BTBD6: variants seen among roughly 807,000 people sequenced by gnomAD.
BTBD6 encodes BTB/POZ domain-containing protein 6.
A neutral mutation model predicts 40.6 loss-of-function variants in BTBD6; 30 were observed. The observed-to-expected ratio is 0.74, with a 90% confidence interval of 0.55 to 1.00. BTBD6 has a LOEUF of 1.00. Ranked by LOEUF, BTBD6 falls within the 50% of genes least tolerant of loss-of-function variation. The pLI is 0.00. For synonymous variants in BTBD6, 378 were observed against 308.7 expected (o/e 1.22, Z -2.35); for missense variants, 698 against 694.6 (o/e 1.00, Z -0.06).
chr14:105,249,114 CCG>C (rs926656993), intron 1 of BTBD6, 29 bp downstream of exon 1: 2 of 1,504,148 alleles, frequency 1.3e-6, no homozygotes, highest in Non-Finnish European at 8.8e-7. Flanking sequence ...GCCCCCGCGC[CCG>C]CGCGCGCCCA....
chr14:105,249,277 G>A, intron 2 of BTBD6, 30 bp downstream of exon 2: 1 of 1,564,704 alleles, frequency 6.4e-7, no homozygotes, highest in Non-Finnish European at 8.6e-7. Context: ...CTCGGAACGC[G>A]TGCCCCGTCC....
At position 105,249,477 on chromosome 14, in the gene BTBD6, A is replaced by G; in HGVS notation, c.583A>G (p.Lys195Glu). The G allele has an allele frequency of 6.2e-7, 1 of 1,613,268 alleles. No individual in the cohort carries two copies. Among genetic ancestry groups the G allele is most frequent in the Non-Finnish European group, 8.5e-7 (1 of 1,179,916 alleles). The change falls in exon 3 of 4, where the codon AAG becomes GAG. Residue 195 changes from lysine to glutamate, a missense_variant and splice_region_variant. By Grantham distance (56) the Lys-to-Glu change is moderately conservative (BLOSUM62 1). Transcript: ENST00000392554. ...GCCCGCAGCCTTTCTGATCCTCTTA[A>G]AGTAAGTCCACTCTACTGGGGAGGG... ...VEPAAFLILL[K>E]YMYSDEIDLE...
Position 105,248,922 on chromosome 14 carries a change from A to C in BTBD6, c.211A>C (p.Asn71His), listed in dbSNP as rs1246182917. 1.0e-6 allele frequency: 1 copy of C among 984,074 alleles called. No homozygotes were observed. The highest frequency in any genetic ancestry group is 1.2e-4 in the East Asian group (1 of 8,686). 61.0% of individuals were successfully genotyped at this position (984,074 alleles called of 1,614,324 possible). A position where few individuals can be genotyped will look rare whatever the true frequency, so the allele number is the denominator to read the frequency against. Residue 71 changes from asparagine (N) to histidine (H), a missense_variant, in exon 1 of 4, where the codon AAC (asparagine) becomes CAC (histidine). Transcript: ENST00000392554. ...PASAAAADLA[N>H]SNAGAAVGRK... ...CAGCGCCGCGGCCGCGGACCTAGCC[A>C]ACAGCAACGCCGGCGCCGCCGTGGG... is the stretch of plus-strand genomic sequence containing the variant.
At position 105,250,902 on chromosome 14, in the gene BTBD6, G is replaced by A. The variant is rs1327085881; in HGVS notation, c.*230G>A. 16 of 560,886 alleles carry A rather than the reference G, an allele frequency of 2.9e-5. No individual in the cohort carries two copies. The highest frequency in any genetic ancestry group is 1.2e-4 in the South Asian group (5 of 42,506). The allele number at this position is 560,886 out of a possible 1,614,324, so 34.7% of individuals were successfully genotyped here. On this transcript the variant is annotated 3_prime_UTR_variant, in exon 4 of 4. Coordinates refer to ENST00000392554, the MANE Select transcript of BTBD6 (RefSeq NM_001387567.1). The stretch of plus-strand genomic sequence containing the variant: ...ACGTCTCAGGTGGAGGAAGATTTAC[G>A]GCTCAAGACAGGCCCCAGATCCCCT...
chr14:105,248,567 G>A lies in BTBD6; in HGVS notation c.-145G>A, dbSNP rs968937220. 10 of 833,370 alleles carry A rather than the reference G, an allele frequency of 1.2e-5. No homozygotes were observed. Among genetic ancestry groups the A allele is most frequent in the Non-Finnish European group, 1.3e-5 (9 of 714,286 alleles). 51.6% of individuals were successfully genotyped at this position (833,370 alleles called of 1,614,324 possible). A position where few individuals can be genotyped will look rare whatever the true frequency, so the allele number is the denominator to read the frequency against. ...CGCACCGGCGCCGCGGCGGGTACGG[G>A]CTCGGGCGGGCGGGCGGGCGGGACG... On this transcript the variant is annotated 5_prime_UTR_variant, in exon 1 of 4. Transcript: ENST00000392554.
chr14:105,250,781 C>A lies in BTBD6; in HGVS notation c.*109C>A. ...TGCTCTTAACTTTGTCTCTCTTTGA[C>A]ATGTAGTCAGCTGAAGCTTGACTGT... On this transcript the variant is annotated 3_prime_UTR_variant, in exon 4 of 4. Coordinates refer to ENST00000392554, the MANE Select transcript of BTBD6 (RefSeq NM_001387567.1). 8.5e-7 allele frequency: 1 copy of A among 1,178,296 alleles called. No individual in the cohort carries two copies. Among genetic ancestry groups the A allele is most frequent in the Non-Finnish European group, 1.2e-6 (1 of 842,010 alleles). 73.0% of individuals were successfully genotyped at this position (1,178,296 alleles called of 1,614,324 possible).
Position 105,250,655 on chromosome 14 carries a change from C to T in BTBD6, c.1600C>T (p.Leu534Phe), listed in dbSNP as rs747446075. ...GGTCCAGGGTGGGCAGATCCCTGAGCTCATTTTCTATGCCTGAGGTGCCCG... is the reference window on the plus strand; with the variant it reads ...GGTCCAGGGTGGGCAGATCCCTGAGTTCATTTTCTATGCCTGAGGTGCCCG... ...TGVQGGQIPE[L>F]IFYA The change falls in exon 4 of 4, where the codon CTC (leucine) becomes TTC (phenylalanine). Residue 534 changes from leucine (L) to phenylalanine (F), a missense_variant. Transcript: ENST00000392554. 7 of 1,609,280 alleles carry T rather than the reference C, an allele frequency of 4.3e-6. No homozygotes were observed. In the Admixed American group the frequency reaches 1.2e-4, roughly 27 times the overall value.
chr14:105,250,335 G>A lies in BTBD6; in HGVS notation c.1280G>A (p.Gly427Asp). The change falls in exon 4 of 4, where the codon GGC becomes GAC. Residue 427 changes from glycine to aspartate, a missense_variant. Gly to Asp is a moderately conservative substitution (Grantham distance 94, BLOSUM62 -1). Coordinates refer to ENST00000392554, the MANE Select transcript of BTBD6 (RefSeq NM_001387567.1). ...VDRRVFIAGL[G>D]LYGSSSGKAE... ...AGAAGGGTATTTATTGCAGGGCTGG[G>A]CCTGTATGGCTCCAGCTCTGGGAAG... 1 of 1,613,530 alleles carries A rather than the reference G, an allele frequency of 6.2e-7. No individual in the cohort carries two copies. The highest frequency in any genetic ancestry group is 8.5e-7 in the Non-Finnish European group (1 of 1,180,034).
Position 105,249,137 on chromosome 14 carries a change from C to T in BTBD6, c.375-20C>T, listed in dbSNP as rs746453562. The T allele has an allele frequency of 5.8e-6, 9 of 1,554,350 alleles. No individual in the cohort carries two copies. Among genetic ancestry groups the T allele is most frequent in the Non-Finnish European group, 7.8e-6 (9 of 1,157,114 alleles). ...GCCCGCGCGCGCCCACGCCCCCAGCCCGTGCCTCTACCTTTGCAGGAACGC... is the reference window on the plus strand; with the variant it reads ...GCCCGCGCGCGCCCACGCCCCCAGCTCGTGCCTCTACCTTTGCAGGAACGC... On this transcript the variant is annotated intron_variant, in intron 1 of 3. Coordinates refer to ENST00000392554, the MANE Select transcript of BTBD6 (RefSeq NM_001387567.1).
Position 105,249,062 on chromosome 14 carries a change from C to T in BTBD6, c.351C>T (p.Cys117=), listed in dbSNP as rs1308920806. Residue 117 remains cysteine (C), a synonymous_variant, in exon 1 of 4, where the codon TGC becomes TGT. Transcript: ENST00000392554. ...ACCAGGAGAGCCCCGGCTGGCGGTG[C>T]TGCCGCCCCACGCTGCGCGAGAGGT... is the stretch of plus-strand genomic sequence containing the variant. ...NNHQESPGWR[C]CRPTLRERNA... is the part of the protein sequence containing the mutation. 4.5e-6 allele frequency: 6 copies of T among 1,319,616 alleles called. No individual in the cohort carries two copies. The highest frequency in any genetic ancestry group is 1.6e-5 in the African/African-American group (1 of 64,140). 81.7% of individuals were successfully genotyped at this position (1,319,616 alleles called of 1,614,324 possible). A position where few individuals can be genotyped will look rare whatever the true frequency, so the allele number is the denominator to read the frequency against.
rs2055317851 is a variant in BTBD6, at chr14:105,248,583, G to GGGCGGGCGGGCGGGCCT, written c.-123_-122insCGGGCGGGCCTGGCGGG. 1 of 728,908 alleles carries GGGCGGGCGGGCGGGCCT rather than the reference G, an allele frequency of 1.4e-6. No homozygotes were observed. The highest frequency in any genetic ancestry group is 2.2e-5 in the African/African-American group (1 of 46,442). 45.2% of individuals were successfully genotyped at this position (728,908 alleles called of 1,614,324 possible). On this transcript the variant is annotated 5_prime_UTR_variant, in exon 1 of 4. Transcript: ENST00000392554. ...CGGGTACGGGCTCGGGCGGGCGGGC[G>GGGCGGGCGGGCGGGCCT]GGCGGGACGGCGCCCCCCGCGGCCG...
Position 105,248,749 on chromosome 14 carries a change from C to T in BTBD6, c.38C>T (p.Ala13Val). 1 of 981,720 alleles carries T rather than the reference C, an allele frequency of 1.0e-6. No homozygotes were observed. Among genetic ancestry groups the T allele is most frequent in the Non-Finnish European group, 1.2e-6 (1 of 828,968 alleles). 60.8% of individuals were successfully genotyped at this position (981,720 alleles called of 1,614,324 possible). A position where few individuals can be genotyped will look rare whatever the true frequency, so the allele number is the denominator to read the frequency against. Residue 13 changes from alanine (A) to valine (V), a missense_variant, in exon 1 of 4, where the codon GCT (alanine) becomes GTT (valine). Coordinates refer to ENST00000392554, the MANE Select transcript of BTBD6 (RefSeq NM_001387567.1). ...LPLACLHGRV[A>V]QCLTSLLLLA... ...CTAGCCTGCCTGCACGGCCGCGTCG[C>T]TCAGTGCCTGACCTCCTTGCTTTTG...
chr14:105,248,538 G>C lies in BTBD6; in HGVS notation c.-174G>C. ...GCGCGGGGCGCGGCCCTGACGCAGC[G>C]TGACGCACCGGCGCCGCGGCGGGTA... is the stretch of plus-strand genomic sequence containing the variant. On this transcript the variant is annotated 5_prime_UTR_variant, in exon 1 of 4. Coordinates refer to ENST00000392554, the MANE Select transcript of BTBD6 (RefSeq NM_001387567.1). 1.1e-6 allele frequency: 1 copy of C among 922,534 alleles called. No homozygotes were observed. Among genetic ancestry groups the C allele is most frequent in the Non-Finnish European group, 1.3e-6 (1 of 782,998 alleles). 57.1% of individuals were successfully genotyped at this position (922,534 alleles called of 1,614,324 possible).
chr14:105,249,108 CCGCGCCCGCGCGCGCCCA>C (rs1188889311), intron 1 of BTBD6, 23 bp downstream of exon 1: 10 of 1,499,878 alleles, frequency 6.7e-6, no homozygotes, highest in Non-Finnish European at 8.8e-6. Context: ...CCCGCGGCCC[CCGCGCCCGCGCGCGCCCA>C]CGCCCCCAGC....
rs1445830993 is a variant in BTBD6 at position 105,248,613 on chromosome 14, T to C, written c.-99T>C. The C allele has an allele frequency of 2.1e-6, 2 of 970,562 alleles. No individual in the cohort carries two copies. Among genetic ancestry groups the C allele is most frequent in the Non-Finnish European group, 1.2e-6 (1 of 822,838 alleles). 60.1% of individuals were successfully genotyped at this position (970,562 alleles called of 1,614,324 possible). On this transcript the variant is annotated 5_prime_UTR_variant, in exon 1 of 4. Coordinates refer to ENST00000392554, the MANE Select transcript of BTBD6 (RefSeq NM_001387567.1). ...GGACGGCGCCCCCCGCGGCCGGGCC[T>C]GGCCGGGCTGCGCTAGGCTGGGCTC...
rs746790064 is a variant in BTBD6, at chr14:105,250,183, G to A, written c.1128G>A (p.Leu376=). The change falls in exon 4 of 4, where the codon CTG becomes CTA. Residue 376 remains leucine, a synonymous_variant. Transcript: ENST00000392554. ...ACACGGCCACCAACAAGCCCCGCCTGGACTTTCCCCTGACCAAGAGGAAGG... is the reference window on the plus strand; with the variant it reads ...ACACGGCCACCAACAAGCCCCGCCTAGACTTTCCCCTGACCAAGAGGAAGG... The part of the protein sequence containing the change: ...LWYTATNKPR[L]DFPLTKRKGL... The A allele has an allele frequency of 6.8e-6, 11 of 1,612,862 alleles. No individual in the cohort carries two copies. Among genetic ancestry groups the A allele is most frequent in the Non-Finnish European group, 9.3e-6 (11 of 1,180,044 alleles).
Position 105,248,682 on chromosome 14 carries a change from G to A in BTBD6, c.-30G>A, listed in dbSNP as rs1014616687. 2.5e-4 allele frequency: 246 copies of A among 981,978 alleles called. No homozygotes were observed. Among genetic ancestry groups the A allele is most frequent in the Non-Finnish European group, 2.6e-4 (219 of 829,012 alleles). The allele number at this position is 981,978 out of a possible 1,614,324, so 60.8% of individuals were successfully genotyped here. Reference sequence around the variant, plus strand: ...GGGGGTGGCAGGGGAGCGGGTGGCAGCCCCGCGGGTCACAGCGCCGCCGCC... The same window carrying A: ...GGGGGTGGCAGGGGAGCGGGTGGCAACCCCGCGGGTCACAGCGCCGCCGCC... On this transcript the variant is annotated 5_prime_UTR_variant, in exon 1 of 4. Coordinates refer to ENST00000392554, the MANE Select transcript of BTBD6 (RefSeq NM_001387567.1).
rs763350730 is a variant in BTBD6 at position 105,249,365 on chromosome 14, C to T, written c.471C>T (p.Val157=). 3 of 1,611,032 alleles carry T rather than the reference C, an allele frequency of 1.9e-6. No individual in the cohort carries two copies. Among genetic ancestry groups the T allele is most frequent in the Admixed American group, 1.7e-5 (1 of 59,792 alleles). Residue 157 remains valine, a synonymous_variant, in exon 3 of 4, where the codon GTC becomes GTT. Transcript: ENST00000392554. ...GCGGCGCTTTCTCCTCCCAGTACGT[C>T]TTGGCTGTCGGCAGCTCCGTCTTCT... ...ATRTVPAHKY[V]LAVGSSVFYA... is the part of the protein sequence containing the mutation.
At position 105,248,990 on chromosome 14, in the gene BTBD6, A is replaced by C. The variant is rs2816604; in HGVS notation, c.279A>C (p.Pro93=). The C allele has an allele frequency of 0.31, 303,879 of 993,926 alleles. 47,407 individuals are homozygous for C. Among genetic ancestry groups the C allele is most frequent in the African/African-American group, 0.45 (25,448 of 56,422 alleles). 61.6% of individuals were successfully genotyped at this position (993,926 alleles called of 1,614,324 possible). A position where few individuals can be genotyped will look rare whatever the true frequency, so the allele number is the denominator to read the frequency against. ...GCAGCCCGCCCAGCGCCCCCGCGCCAGCGCCGCCGCCGCCCGCGCCCGCGC... is the reference window on the plus strand; with the variant it reads ...GCAGCCCGCCCAGCGCCCCCGCGCCCGCGCCGCCGCCGCCCGCGCCCGCGC... ...GPRSPPSAPA[P]APPPPAPAPP... is the part of the protein sequence containing the mutation. Residue 93 remains proline, a synonymous_variant, in exon 1 of 4, where the codon CCA becomes CCC. Coordinates refer to ENST00000392554, the MANE Select transcript of BTBD6 (RefSeq NM_001387567.1).
Sources: allele counts gnomAD v4.1 joint callset, GRCh38; gene constraint gnomAD v4.1.1; transcripts MANE v1.5; gene names NCBI Gene and HGNC (gene_info 2026-07-23, HGNC 2026-07-21).